TUSC3: variants seen among roughly 807,000 people sequenced by gnomAD.
The protein encoded by TUSC3 is dolichyl-diphosphooligosaccharide--protein glycosyltransferase subunit TUSC3.
TUSC3 carries 45 observed loss-of-function variants against 44.8 expected under a neutral mutation model. The ratio of observed to expected loss-of-function variants is 1.00; its 90% CI spans 0.79 to 1.29. The LOEUF is 1.29. TUSC3 is among the 50% of genes most tolerant of loss of function. TUSC3 has a pLI of 0.00. For synonymous variants in TUSC3, 212 were observed against 152.9 expected, an observed-to-expected ratio of 1.39 and a Z score of -2.85; for missense variants, 519 against 437.9, an observed-to-expected ratio of 1.19 and a Z score of -1.65.
chr8:15,541,544 C>G (rs1006563108), intron 1 of TUSC3, among the ~76,000 whole-genome samples: 1 of 152,100 alleles, frequency 6.6e-6, no homozygotes, highest in South Asian at 2.1e-4. Context: ...AAAAAATACC[C>G]TCATATGCAG....
At chr8:15,758,767 G>A (rs900780154) in intron 10 of TUSC3, among the ~76,000 whole-genome samples, 3 of 151,984 alleles carry the variant, frequency 2.0e-5, no homozygotes, top group African/African-American at 4.8e-5. Flanking sequence ...TGTTAAATGT[G>A]GTTAACACTT....
chr8:15,508,057 C>A (rs894004557), intron 2 of TUSC3, among the ~76,000 whole-genome samples: 8 of 152,042 alleles, frequency 5.3e-5, no homozygotes, highest in African/African-American at 1.9e-4. Context: ...GCCTGGTCAA[C>A]ATGGGGAAAC....
intron 2 of TUSC3, among the ~76,000 whole-genome samples, chr8:15,525,793 C>A (rs1340414986): frequency 6.6e-6 from 1 of 152,044 alleles, no homozygotes; most frequent in East Asian, 1.9e-4. Flanking sequence ...AGGAAGCCAG[C>A]AACAGCAGAG....
At chr8:15,582,281 C>G (rs138815751) in intron 1 of TUSC3, among the ~76,000 whole-genome samples, 2 of 152,170 alleles carry the variant, frequency 1.3e-5, no homozygotes, top group South Asian at 2.1e-4. Context: ...GGGTCGCTCA[C>G]GCTGGGAGCT....
chr8:15,586,850 C>T (rs935976895), intron 1 of TUSC3, among the ~76,000 whole-genome samples: 9 of 152,070 alleles, frequency 5.9e-5, no homozygotes, highest in African/African-American at 1.9e-4. Context: ...TAGACCACCA[C>T]CTTTGGCGTT....
chr8:15,540,034 C>G (rs1291149206), upstream of TUSC3, among the ~76,000 whole-genome samples: 1 of 152,192 alleles, frequency 6.6e-6, no homozygotes, highest in Non-Finnish European at 1.5e-5. Context: ...GTGCTAGGCC[C>G]CAGGTAAAGT....
At chr8:15,750,531 CT>C (rs1045086460) in intron 9 of TUSC3, among the ~76,000 whole-genome samples, 4 of 150,796 alleles carry the variant, frequency 2.7e-5, no homozygotes, top group Non-Finnish European at 4.4e-5. Flanking sequence ...TTAGTTTGTA[CT>C]TTTTTTTTCA....
chr8:15,556,784 T>G (rs1802284087), intron 1 of TUSC3, among the ~76,000 whole-genome samples: 2 of 132,170 alleles, frequency 1.5e-5, no homozygotes, highest in South Asian at 5.3e-4. Flanking sequence ...ATGTGTTTTT[T>G]GGCTGCATAA....
At chr8:15,574,974 G>C (rs1299502990) in intron 1 of TUSC3, among the ~76,000 whole-genome samples, 2 of 152,098 alleles carry the variant, frequency 1.3e-5, no homozygotes, top group Non-Finnish European at 2.9e-5. Flanking sequence ...GGAGAATAGA[G>C]AGTTTAACTT....
chr8:15,840,335 C>G, the TUSC3 span, among the ~76,000 whole-genome samples: 4 of 151,928 alleles, frequency 2.6e-5, no homozygotes, highest in African/African-American at 9.7e-5. Flanking sequence ...ATGTAACAAA[C>G]CTGCACGTTG....
intron 1 of TUSC3, among the ~76,000 whole-genome samples, chr8:15,587,580 G>C (rs1388601496): frequency 6.6e-6 from 1 of 152,094 alleles, no homozygotes; most frequent in Non-Finnish European, 1.5e-5. Context: ...GGAGCATCCA[G>C]AATCCTCTCT....
chr8:15,524,701 C>A (rs918363159), intron 2 of TUSC3, among the ~76,000 whole-genome samples: 1 of 152,162 alleles, frequency 6.6e-6, no homozygotes, highest in Non-Finnish European at 1.5e-5. Context: ...TATTTTTAGA[C>A]ACCCAAACCT....
chr8:15,850,254 A>G, the TUSC3 span, among the ~76,000 whole-genome samples: 1 of 152,258 alleles, frequency 6.6e-6, no homozygotes, highest in African/African-American at 2.4e-5. Context: ...TAACATTAGT[A>G]TCCATATAAA....
intron 1 of TUSC3, among the ~76,000 whole-genome samples, chr8:15,474,386 C>T (rs1331907252): frequency 6.6e-6 from 1 of 152,152 alleles, no homozygotes; most frequent in East Asian, 1.9e-4. Context: ...TAAATTAAGA[C>T]AGGTGTAAGA....
chr8:15,430,484 T>C (rs1799858744), intron 1 of TUSC3, among the ~76,000 whole-genome samples: 1 of 150,432 alleles, frequency 6.6e-6, no homozygotes, highest in South Asian at 2.1e-4. Flanking sequence ...TATCTCAAAA[T>C]AATAAGAGCT....
the TUSC3 span, among the ~76,000 whole-genome samples, chr8:15,851,071 A>T: frequency 6.6e-6 from 1 of 152,158 alleles, no homozygotes; most frequent in Admixed American, 6.5e-5. Context: ...AAGTCAATGG[A>T]CGACGCGACG....
chr8:15,633,202 C>G (rs961499108), intron 2 of TUSC3, among the ~76,000 whole-genome samples: 1 of 152,142 alleles, frequency 6.6e-6, no homozygotes, highest in Non-Finnish European at 1.5e-5. Context: ...TTCCCTCATT[C>G]CATACTTTTA....
chr8:15,457,930 C>T lies in TUSC3; in HGVS notation n.92-25456C>T, dbSNP rs115291242. 4.5e-3 allele frequency among the ~76,000 whole-genome samples: 670 copies of T among 150,090 alleles called. 5 individuals carry two copies. The highest frequency in any genetic ancestry group is 0.011 in the African/African-American group (467 of 41,114). ...ACTAATTGAATAATAATTAGTACTC[C>T]AATGATGAATGAATCTTAATACAAT... On this transcript the variant is annotated intron_variant and non_coding_transcript_variant, in intron 1 of 5. Transcript: ENST00000503191.
the TUSC3 span, among the ~76,000 whole-genome samples, chr8:15,799,787 A>G: frequency 6.6e-6 from 1 of 152,306 alleles, no homozygotes; most frequent in African/African-American, 2.4e-5. Context: ...TCTAGTTGCA[A>G]GCTAACAAGT....
Sources: allele counts gnomAD v4.1 joint callset (sites outside exome capture counted in the v4.1 genomes callset), GRCh38; gene constraint gnomAD v4.1.1; transcripts MANE v1.5; gene names NCBI Gene and HGNC (gene_info 2026-07-23, HGNC 2026-07-21).